The following ELMO1 variants were observed in gnomAD, a reference collection of about 807,000 sequenced individuals.
The protein encoded by ELMO1 is engulfment and cell motility protein 1.
In ELMO1, 26 loss-of-function variants were observed where a neutral mutation model predicts 98.9. That is an observed-to-expected ratio of 0.26 (90% CI 0.19 to 0.36). The LOEUF is 0.36. Among genes scored for constraint, ELMO1 ranks in the 10% least tolerant of loss-of-function variants. The pLI is 1.00. For missense variants in ELMO1, 627 were observed against 935.2 expected (o/e 0.67, Z 4.30); for synonymous variants, 346 against 346.0 (o/e 1.00, Z 0.00).
At chr7:36,979,681 G>A (rs1215795432) in intron 16 of ELMO1, among the ~76,000 whole-genome samples, 1 of 152,224 alleles carries the variant, frequency 6.6e-6, no homozygotes, top group Non-Finnish European at 1.5e-5. Flanking sequence ...TTTCAAACCA[G>A]CTCCTGCTTT....
At chr7:37,409,337 C>G (rs1032830241) in intron 1 of ELMO1, among the ~76,000 whole-genome samples, 12 of 152,202 alleles carry the variant, frequency 7.9e-5, no homozygotes, top group Non-Finnish European at 1.2e-4. Context: ...ATCGACTCCT[C>G]TTAGCAACTT....
chr7:36,894,533 A>G (rs1225764555), intron 17 of ELMO1, among the ~76,000 whole-genome samples: 1 of 152,194 alleles, frequency 6.6e-6, no homozygotes, highest in Admixed American at 6.5e-5. Context: ...ATATAGTTTT[A>G]CTGGTCAAAG....
intron 1 of ELMO1, among the ~76,000 whole-genome samples, chr7:37,343,674 G>A (rs1221307910): frequency 6.6e-6 from 1 of 152,054 alleles, no homozygotes; most frequent in Non-Finnish European, 1.5e-5. Context: ...TAGAGACAAG[G>A]TTTCGCCATG....
chr7:37,107,356 A>C (rs1162416603), intron 14 of ELMO1, among the ~76,000 whole-genome samples: 1 of 152,180 alleles, frequency 6.6e-6, no homozygotes, highest in East Asian at 1.9e-4. Flanking sequence ...GTGAGCCTTG[A>C]GTTCAACCTT....
chr7:36,945,276 A>G (rs1787380306), intron 16 of ELMO1, among the ~76,000 whole-genome samples: 1 of 152,208 alleles, frequency 6.6e-6, no homozygotes, highest in Non-Finnish European at 1.5e-5. Context: ...ACCTTCTAGA[A>G]TCCTCTGACT....
intron 1 of ELMO1, among the ~76,000 whole-genome samples, chr7:37,359,662 A>G (rs1170163419): frequency 6.6e-6 from 1 of 152,186 alleles, no homozygotes; most frequent in Non-Finnish European, 1.5e-5. Flanking sequence ...ATCCGAAGGC[A>G]GTGTTCTGAA....
At chr7:37,390,832 G>A (rs930635028) in intron 1 of ELMO1, among the ~76,000 whole-genome samples, 11 of 152,186 alleles carry the variant, frequency 7.2e-5, no homozygotes, top group Non-Finnish European at 1.6e-4. Context: ...TTTTAGATGA[G>A]AGGACAATCT....
intron 15 of ELMO1, among the ~76,000 whole-genome samples, chr7:37,060,102 T>C (rs1562974393): frequency 6.6e-6 from 1 of 152,208 alleles, no homozygotes; most frequent in Non-Finnish European, 1.5e-5. Flanking sequence ...GTAAGAATTA[T>C]TACCCATGCT....
intron 16 of ELMO1, among the ~76,000 whole-genome samples, chr7:36,895,349 A>G (rs981048899): frequency 2.6e-5 from 4 of 152,188 alleles, no homozygotes; most frequent in African/African-American, 9.6e-5. Flanking sequence ...AAGAGTCAGG[A>G]ATGAACGAAG....
chr7:37,138,297 A>G (rs1351014123), intron 13 of ELMO1, among the ~76,000 whole-genome samples: 1 of 40,604 alleles, frequency 2.5e-5, no homozygotes, highest in Non-Finnish European at 7.7e-5. Flanking sequence ...CTTTGAAAAG[A>G]TAAAAAAAAA....
At chr7:36,938,016 T>G (rs529173820) in intron 16 of ELMO1, among the ~76,000 whole-genome samples, 117 of 152,290 alleles carry the variant, frequency 7.7e-4, no homozygotes, top group African/African-American at 2.7e-3. Context: ...GGAGTCCTCT[T>G]AAAAGACGGC....
intron 15 of ELMO1, among the ~76,000 whole-genome samples, chr7:37,083,564 G>A (rs1783598894): frequency 6.6e-6 from 1 of 152,210 alleles, no homozygotes; most frequent in South Asian, 2.1e-4. Context: ...TTCTAAAGAT[G>A]CTCAGGCCAC....
chr7:36,944,480 C>T lies in ELMO1; in HGVS notation c.1438-49463G>A, dbSNP rs181950332. 2.2e-4 allele frequency among the ~76,000 whole-genome samples: 34 copies of T among 152,258 alleles called. 1 individual carries two copies. Among genetic ancestry groups the T allele is most frequent in the Admixed American group, 1.6e-3 (24 of 15,286 alleles). On this transcript the variant is annotated intron_variant, in intron 16 of 21. Transcript: ENST00000310758. ...TTTTCACTCTACTCCTGGGACCTCCCGTATAATATTTTCTATCCTTCTCAC... is the reference window on the plus strand; with the variant it reads ...TTTTCACTCTACTCCTGGGACCTCCTGTATAATATTTTCTATCCTTCTCAC...
chr7:37,302,665 G>T (rs750384618), intron 4 of ELMO1, among the ~76,000 whole-genome samples: 1 of 152,076 alleles, frequency 6.6e-6, no homozygotes, highest in Admixed American at 6.5e-5. Context: ...CAGACATCAA[G>T]AAGAGACAAG....
chr7:37,214,046 T>G (rs1043954370), intron 11 of ELMO1, among the ~76,000 whole-genome samples: 1 of 152,146 alleles, frequency 6.6e-6, no homozygotes, highest in Non-Finnish European at 1.5e-5. Flanking sequence ...AACAATTAAA[T>G]GAAAGATAAA....
chr7:37,228,183 G>A (rs1257130473), intron 8 of ELMO1, among the ~76,000 whole-genome samples: 7 of 152,148 alleles, frequency 4.6e-5, no homozygotes, highest in Non-Finnish European at 8.8e-5. Flanking sequence ...AACGCATCAG[G>A]GCTGATCCAA....
intron 16 of ELMO1, among the ~76,000 whole-genome samples, chr7:36,904,418 T>C (rs1783807817): frequency 6.6e-6 from 1 of 152,280 alleles, no homozygotes; most frequent in East Asian, 1.9e-4. Context: ...GCTTCAAGCA[T>C]CCTGAGAATC....
chr7:37,013,626 T>C (rs1793718618), intron 15 of ELMO1, 191 bp from the exon 16 acceptor site: 1 of 600,126 alleles, frequency 1.7e-6, no homozygotes, highest in Admixed American at 3.0e-5. Context: ...TAAGGCCAGA[T>C]AGTCAGACCT....
intron 2 of ELMO1, among the ~76,000 whole-genome samples, chr7:37,338,761 G>A (rs868793563): frequency 4.6e-5 from 7 of 152,156 alleles, no homozygotes; most frequent in Non-Finnish European, 1.0e-4. Flanking sequence ...GCGGCTCCCC[G>A]GGCTTGAAAC....
Sources: gnomAD v4.1 joint callset for allele counts (sites outside exome capture counted in the v4.1 genomes callset) on GRCh38, gnomAD v4.1.1 for gene constraint, MANE v1.5 for transcripts, NCBI Gene and HGNC (gene_info 2026-07-23, HGNC 2026-07-21) for gene names.